COL5A1: variants seen among roughly 807,000 people sequenced by gnomAD.
The protein encoded by COL5A1 is collagen type V alpha 1 chain.
In COL5A1, 16 loss-of-function variants were observed where a neutral mutation model predicts 263.7. The ratio of observed to expected loss-of-function variants is 0.06; its 90% CI spans 0.04 to 0.09. The LOEUF (loss-of-function observed/expected upper bound fraction) is 0.09. Among genes scored for constraint, COL5A1 ranks in the 10% least tolerant of loss-of-function variants. The pLI, the probability that COL5A1 is intolerant of heterozygous loss-of-function variation, is 1.00. For synonymous variants in COL5A1, 1,012 were observed against 1,004.5 expected, an observed-to-expected ratio of 1.01 and a Z score of -0.14; for missense variants, 2,036 against 2,540.5, an observed-to-expected ratio of 0.80 and a Z score of 4.27.
intron 52 of COL5A1, among the ~76,000 whole-genome samples, 165 bp from the exon 53 acceptor site, chr9:134,816,861 C>T (rs1258203243): frequency 6.6e-6 from 1 of 152,154 alleles, no homozygotes; most frequent in Non-Finnish European, 1.5e-5. Context: ...TGTCACAGCC[C>T]GGGTGCGACA....
chr9:134,753,261 C>T (rs1028783680), intron 14 of COL5A1, among the ~76,000 whole-genome samples: 5 of 152,172 alleles, frequency 3.3e-5, no homozygotes, highest in Non-Finnish European at 7.4e-5. Flanking sequence ...CTGGGGTCCT[C>T]GATGCATGAG....
intron 51 of COL5A1, 30 bp downstream of exon 51, chr9:134,815,659 A>G: frequency 1.2e-6 from 2 of 1,610,756 alleles, no homozygotes; most frequent in South Asian, 1.1e-5. Context: ...AAGCCACCGG[A>G]TCCCCCACAG....
intron 1 of COL5A1, among the ~76,000 whole-genome samples, chr9:134,657,396 G>A (rs1174719020): frequency 5.6e-4 from 32 of 56,732 alleles, no homozygotes; most frequent in African/African-American, 2.5e-3. Flanking sequence ...TGGGGTGGGG[G>A]TGTAGTTTAT....
At chr9:134,750,736 T>G in intron 12 of COL5A1, 54 bp from the exon 13 acceptor site, 1 of 1,605,708 alleles carries the variant, frequency 6.2e-7, no homozygotes, top group South Asian at 1.1e-5. Flanking sequence ...GTCTGTGGTC[T>G]TGCCTGGGTG....
rs562033621 is a variant in COL5A1 at position 134,835,728 on chromosome 9, C to T, written c.5370+524C>T. Among the ~76,000 whole-genome samples the T allele has an allele frequency of 1.2e-4, 19 of 152,310 alleles. No homozygotes were observed. The South Asian group carries it at 2.7e-3, about 22-fold the overall frequency. On this transcript the variant is annotated intron_variant, in intron 65 of 65. Coordinates refer to ENST00000371817, the MANE Select transcript of COL5A1 (RefSeq NM_000093.5). ...GACAAGGGAATGGAGGCCGGAGCGG[C>T]GGGAGGCTTGCTGAGACCTCACGGG...
chr9:134,687,883 C>T (rs550511031), intron 1 of COL5A1, among the ~76,000 whole-genome samples: 1 of 152,300 alleles, frequency 6.6e-6, no homozygotes, highest in East Asian at 1.9e-4. Context: ...TCTCACTGGC[C>T]TTGACCCACT....
intron 62 of COL5A1, among the ~76,000 whole-genome samples, chr9:134,825,352 A>G (rs923641651): frequency 4.6e-5 from 7 of 152,206 alleles, no homozygotes; most frequent in Non-Finnish European, 2.9e-5. Flanking sequence ...TCAGGCACCA[A>G]TTGAAGGATA....
chr9:134,805,707 C>T (rs920150787), intron 41 of COL5A1, among the ~76,000 whole-genome samples: 7 of 152,186 alleles, frequency 4.6e-5, no homozygotes, highest in African/African-American at 1.7e-4. Context: ...CCCTAGAAAA[C>T]GCACCCCATG....
chr9:134,748,872 G>A (rs879696449), intron 11 of COL5A1, among the ~76,000 whole-genome samples: 2 of 152,204 alleles, frequency 1.3e-5, no homozygotes, highest in African/African-American at 2.4e-5. Context: ...TGCAACAGAT[G>A]TTGCCAAGGA....
Position 134,795,079 on chromosome 9 carries a change from T to C in COL5A1, c.2701-3T>C. 1.2e-6 allele frequency: 2 copies of C among 1,613,982 alleles called. No individual in the cohort carries two copies. Among genetic ancestry groups the C allele is most frequent in the African/African-American group, 2.7e-5 (2 of 75,048 alleles). On this transcript the variant is annotated splice_region_variant and splice_polypyrimidine_tract_variant and intron_variant, in intron 32 of 65. Transcript: ENST00000371817. ...GACTGACCAGCCCCTTCTCTGATTC[T>C]AGGGGACCCCTGGAAAGCCAGGACC...
chr9:134,689,759 C>T (rs1833207668), intron 1 of COL5A1, among the ~76,000 whole-genome samples: 1 of 152,206 alleles, frequency 6.6e-6, no homozygotes, highest in South Asian at 2.1e-4. Flanking sequence ...GCAGAGGGGG[C>T]ACGGCCAACC....
chr9:134,814,648 G>A, intron 49 of COL5A1, 149 bp from the exon 50 acceptor site: 1 of 686,130 alleles, frequency 1.5e-6, no homozygotes, highest in Non-Finnish European at 2.6e-6. Flanking sequence ...CAGGGCTTGG[G>A]GAGCGACCTG....
chr9:134,711,309 G>T (rs1310353840), intron 4 of COL5A1, among the ~76,000 whole-genome samples: 1 of 152,110 alleles, frequency 6.6e-6, no homozygotes, highest in African/African-American at 2.4e-5. Context: ...CACTTGCAGG[G>T]CCTGGGTGCT....
intron 59 of COL5A1, 44 bp downstream of exon 59, chr9:134,822,194 A>AGGGTG: frequency 1.4e-6 from 1 of 704,984 alleles, no homozygotes; most frequent in South Asian, 1.4e-5. Flanking sequence ...GAGGGCAGGG[A>AGGGTG]GGGTGGGGAT....
intron 1 of COL5A1, among the ~76,000 whole-genome samples, chr9:134,656,299 T>C (rs1477961972): frequency 6.6e-6 from 1 of 152,170 alleles, no homozygotes; most frequent in Admixed American, 6.5e-5. Context: ...TCTGTCCTTC[T>C]GCAGAGCCTG....
At chr9:134,831,154 G>T (rs1279883099) in intron 64 of COL5A1, among the ~76,000 whole-genome samples, 2 of 152,194 alleles carry the variant, frequency 1.3e-5, no homozygotes, top group Non-Finnish European at 2.9e-5. Context: ...ACCAGCCCCA[G>T]CCTCCCTGGG....
chr9:134,687,469 T>A (rs1344983389), intron 1 of COL5A1, among the ~76,000 whole-genome samples: 1 of 151,678 alleles, frequency 6.6e-6, no homozygotes, highest in Non-Finnish European at 1.5e-5. Context: ...CATCCATCCA[T>A]CCATTCATCC....
Position 134,750,671 on chromosome 9 carries a change from A to G in COL5A1, c.1569+55A>G, listed in dbSNP as rs539942658. 116 of 1,602,016 alleles carry G rather than the reference A, an allele frequency of 7.2e-5. No individual in the cohort carries two copies. The South Asian group carries it at 1.2e-3, about 17-fold the overall frequency. ...AGGCAGCTGGGGCAGGTGGGATCCA[A>G]ACCAGACCCTCTGAGGCTGCGCTGT... On this transcript the variant is annotated intron_variant, in intron 12 of 65. Coordinates refer to ENST00000371817, the MANE Select transcript of COL5A1 (RefSeq NM_000093.5).
rs1215471647 is a variant in COL5A1 at position 134,816,004 on chromosome 9, G to C, written c.4122+16G>C. ...CGGGCAGACGGTGAGTCCACAATCT[G>C]GGCTGGCTTCCTGGTGGAGGTGTCA... On this transcript the variant is annotated intron_variant, in intron 52 of 65. Coordinates refer to ENST00000371817, the MANE Select transcript of COL5A1 (RefSeq NM_000093.5). 1 of 1,613,810 alleles carries C rather than the reference G, an allele frequency of 6.2e-7. No homozygotes were observed. The highest frequency in any genetic ancestry group is 1.7e-5 in the Admixed American group (1 of 60,020).
Sources: allele counts gnomAD v4.1 joint callset (sites outside exome capture counted in the v4.1 genomes callset), GRCh38; gene constraint gnomAD v4.1.1; transcripts MANE v1.5; gene names NCBI Gene and HGNC (gene_info 2026-07-23, HGNC 2026-07-21).